The following NRP2 variants were observed in gnomAD, a reference collection of about 807,000 sequenced individuals.
NRP2 encodes neuropilin-2.
In NRP2, 52 loss-of-function variants were observed where a neutral mutation model predicts 110.4. The ratio of observed to expected loss-of-function variants is 0.47; its 90% CI spans 0.38 to 0.59. The LOEUF is 0.59. Ranked by LOEUF, NRP2 falls within the 20% of genes least tolerant of loss-of-function variation. NRP2 has a pLI of 0.00. For missense variants in NRP2, 1,049 were observed against 1,203.0 expected, an observed-to-expected ratio of 0.87 and a Z score of 1.89; for synonymous variants, 508 against 468.9, an observed-to-expected ratio of 1.08 and a Z score of -1.08.
chr2:205,743,077 C>G, intron 8 of NRP2, 126 bp from the exon 9 acceptor site: 1 of 1,570,254 alleles, frequency 6.4e-7, no homozygotes, highest in Non-Finnish European at 8.6e-7. Context: ...ATTCACCATG[C>G]AAAGAAATTA....
At chr2:205,782,080 A>G (rs551507193) in intron 15 of NRP2, among the ~76,000 whole-genome samples, 1 of 150,602 alleles carries the variant, frequency 6.6e-6, no homozygotes, top group African/African-American at 2.4e-5. Context: ...CTTATTTAGC[A>G]TGGTATGGAA....
chr2:205,766,942 C>T (rs1047736328), intron 15 of NRP2, 139 bp downstream of exon 15: 1 of 738,494 alleles, frequency 1.4e-6, no homozygotes, highest in Non-Finnish European at 2.4e-6. Context: ...ACCTTCCTGC[C>T]GCTAGATGGC....
At chr2:205,750,342 A>G (rs2241155) in intron 11 of NRP2, among the ~76,000 whole-genome samples, 90,366 of 152,000 alleles carry the variant, frequency 0.59, 27,408 homozygotes, top group Non-Finnish European at 0.67. Flanking sequence ...TTTCACCGCC[A>G]CCAATTTGAG....
intron 12 of NRP2, among the ~76,000 whole-genome samples, chr2:205,760,023 A>G (rs995026795): frequency 3.9e-5 from 6 of 152,206 alleles, no homozygotes; most frequent in African/African-American, 7.2e-5. Flanking sequence ...ACTGAGTCCA[A>G]TGAGGATTCA....
In NRP2 at chr2:205,763,476, T is replaced by G. The variant is rs72941274; in HGVS notation, c.2045-198T>G. ...GGAGGGACCGATTTGACTTAGAGAC[T>G]CTTAAGAAAACACAGCATTTGAATC... On this transcript the variant is annotated intron_variant, in intron 12 of 16. Transcript: ENST00000357785. This position sits in a 1 kb window ranked among gnomAD's most constrained non-coding sequence, Gnocchi z 4.0. Among the ~76,000 whole-genome samples the G allele has an allele frequency of 0.022, 3,312 of 151,798 alleles. 62 individuals carry two copies. The highest frequency in any genetic ancestry group is 0.088 in the Middle Eastern group (26 of 294).
At chr2:205,785,735 C>A (rs893143104) in intron 15 of NRP2, among the ~76,000 whole-genome samples, 1 of 152,178 alleles carries the variant, frequency 6.6e-6, no homozygotes. Flanking sequence ...GCTGCTCATC[C>A]GCCTCCACAC....
rs771562712 is a variant in NRP2 at position 205,797,311 on chromosome 2, A to G, written c.*2253A>G. 2 of 152,418 alleles carry G rather than the reference A, an allele frequency of 1.3e-5. No homozygotes were observed. The highest frequency in any genetic ancestry group is 2.4e-5 in the African/African-American group (1 of 41,450). 9.4% of individuals were successfully genotyped at this position (152,418 alleles called of 1,614,324 possible). On this transcript the variant is annotated 3_prime_UTR_variant, in exon 17 of 17. Transcript: ENST00000357785. ...CCCTCCCATGATGCGCAGTGTTCAG[A>G]AAGCTGGTAAGTCCTAGGGATTTCC...
rs768591948 is a variant in NRP2 at position 205,697,629 on chromosome 2, G to A, written c.159G>A (p.Gln53=). 2 of 1,613,922 alleles carry A rather than the reference G, an allele frequency of 1.2e-6. No homozygotes were observed. Among genetic ancestry groups the A allele is most frequent in the Non-Finnish European group, 1.7e-6 (2 of 1,179,978 alleles). The change falls in exon 2 of 17, where the codon CAG becomes CAA. Residue 53 remains glutamine, a synonymous_variant. Coordinates refer to ENST00000357785, the MANE Select transcript of NRP2 (RefSeq NM_003872.3). The part of the protein sequence containing the change: ...PGYPQDYPSH[Q]NCEWIVYAPE... ...ACCCCCAGGACTACCCCTCCCACCAGAACTGCGAGTGGATTGTTTACGCCC... is the reference window on the plus strand; with the variant it reads ...ACCCCCAGGACTACCCCTCCCACCAAAACTGCGAGTGGATTGTTTACGCCC...
At chr2:205,708,683 G>T (rs2056737591) in intron 2 of NRP2, among the ~76,000 whole-genome samples, 1 of 152,162 alleles carries the variant, frequency 6.6e-6, no homozygotes, top group Non-Finnish European at 1.5e-5. Flanking sequence ...TGCCTTCAAG[G>T]TTTTTTGGAA....
In NRP2 at chr2:205,795,242, T is replaced by C. The variant is rs1172687979; in HGVS notation, c.*184T>C. 8.7e-6 allele frequency: 6 copies of C among 686,238 alleles called. No individual in the cohort carries two copies. Among genetic ancestry groups the C allele is most frequent in the Middle Eastern group, 3.9e-4 (1 of 2,550 alleles). The allele number at this position is 686,238 out of a possible 1,614,324, so 42.5% of individuals were successfully genotyped here. A position where few individuals can be genotyped will look rare whatever the true frequency, so the allele number is the denominator to read the frequency against. On this transcript the variant is annotated 3_prime_UTR_variant, in exon 17 of 17. Transcript: ENST00000357785. ...AAGGGAGATGCAGCCGCACAGGGGA[T>C]GATTACCCTCCTAGGACCGCGGTGG...
rs571968646 is a variant in NRP2 at position 205,759,821 on chromosome 2, C to T, written c.2045-3853C>T. On this transcript the variant is annotated intron_variant, in intron 12 of 16. Transcript: ENST00000357785. ...AGTGATATTAATAGTAACAACTTTTCCTGAGCTCTTAATGTGTCCTTGTTA... is the reference window on the plus strand; with the variant it reads ...AGTGATATTAATAGTAACAACTTTTTCTGAGCTCTTAATGTGTCCTTGTTA... 4 of 152,280 alleles carry T rather than the reference C, an allele frequency of 2.6e-5. No individual in the cohort carries two copies. The South Asian group carries it at 8.3e-4, about 32-fold the overall frequency. 9.4% of individuals were successfully genotyped at this position (152,280 alleles called of 1,614,324 possible).
Position 205,743,432 on chromosome 2 carries a change from CGGA to C in NRP2, c.1526_1528del (p.Gly509del). The C allele has an allele frequency of 1.2e-6, 2 of 1,614,230 alleles. No individual in the cohort carries two copies. The highest frequency in any genetic ancestry group is 1.7e-6 in the Non-Finnish European group (2 of 1,180,048). ...AAGGTGTCATCATCCAGGGAGCCCGCGGAGGAGACAGTATCACTGCTGTGGAAG... is the reference window on the plus strand; with the variant it reads ...AAGGTGTCATCATCCAGGGAGCCCGCGGAGACAGTATCACTGCTGTGGAAG... On this transcript the variant is annotated inframe_deletion, in exon 9 of 17. Transcript: ENST00000357785.
In NRP2 at chr2:205,740,746, C is replaced by A. The variant is rs1262986476; in HGVS notation, c.1291+83C>A. ...TTTCAACTCTCTGCAAACAGCATGACTGCACCACATGACCTTCCCAGAAAG... is the reference window on the plus strand; with the variant it reads ...TTTCAACTCTCTGCAAACAGCATGAATGCACCACATGACCTTCCCAGAAAG... On this transcript the variant is annotated intron_variant, in intron 8 of 16. Coordinates refer to ENST00000357785, the MANE Select transcript of NRP2 (RefSeq NM_003872.3). 2.0e-6 allele frequency: 3 copies of A among 1,508,370 alleles called. No individual in the cohort carries two copies. The East Asian group carries it at 6.8e-5, about 34-fold the overall frequency. The allele number at this position is 1,508,370 out of a possible 1,614,324, so 93.4% of individuals were successfully genotyped here.
chr2:205,695,413 AG>A lies in NRP2; in HGVS notation c.74-2130del, dbSNP rs533745595. Among the ~76,000 whole-genome samples, 267 of 152,306 alleles carry A rather than the reference AG, an allele frequency of 1.8e-3. 2 individuals carry two copies. The highest frequency in any genetic ancestry group is 6.2e-3 in the African/African-American group (257 of 41,558). ...CTGTGTGCCTGGTCTAATTACTAAA[AG>A]TTTAAACCTGGGGTGTGGGGAATTG... On this transcript the variant is annotated intron_variant, in intron 1 of 16. Transcript: ENST00000357785.
intron 15 of NRP2, chr2:205,767,523 C>G (rs1186047355): frequency 2.3e-6 from 1 of 437,228 alleles, no homozygotes; most frequent in Non-Finnish European, 4.6e-6. Context: ...CCCGAGAAAG[C>G]AGAGAGAGCA....
At chr2:205,700,934 G>A in intron 2 of NRP2, 1 of 327,918 alleles carries the variant, frequency 3.0e-6, no homozygotes, top group Non-Finnish European at 6.1e-6. Context: ...AGGACAAAAG[G>A]GCGAGACTAC....
At chr2:205,722,178 C>G (rs1157585670) in intron 3 of NRP2, 2 of 325,298 alleles carry the variant, frequency 6.1e-6, no homozygotes, top group East Asian at 6.7e-5. Flanking sequence ...CTCATACACA[C>G]ACACACACAC....
chr2:205,767,516 G>A (rs1020655590), intron 15 of NRP2: 106 of 458,088 alleles, frequency 2.3e-4, no homozygotes, highest in Admixed American at 2.1e-3. Context: ...GTTCTCCCCC[G>A]AGAAAGCAGA....
intron 2 of NRP2, among the ~76,000 whole-genome samples, chr2:205,715,304 C>CT (rs2056872607): frequency 6.6e-6 from 1 of 152,134 alleles, no homozygotes; most frequent in African/African-American, 2.4e-5. Flanking sequence ...CCAAGGGTAT[C>CT]TTTGAGGTGC....
Sources: gnomAD v4.1 joint callset for allele counts (sites outside exome capture counted in the v4.1 genomes callset) on GRCh38, gnomAD v4.1.1 for gene constraint, Gnocchi (gnomAD v3.1) non-coding constraint, MANE v1.5 for transcripts, NCBI Gene and HGNC (gene_info 2026-07-23, HGNC 2026-07-21) for gene names.